MCTP1: variants seen among roughly 807,000 people sequenced by gnomAD.
MCTP1 encodes multiple C2 and transmembrane domain-containing protein 1.
MCTP1 carries 69 observed loss-of-function variants against 120.6 expected under a neutral mutation model. The observed-to-expected ratio is 0.57, with a 90% confidence interval of 0.47 to 0.70. The LOEUF (loss-of-function observed/expected upper bound fraction) is 0.70. Among genes scored for constraint, MCTP1 ranks in the 30% least tolerant of loss-of-function variants. MCTP1 has a pLI of 0.00. For missense variants in MCTP1, 1,203 were observed against 1,248.8 expected, an observed-to-expected ratio of 0.96 and a Z score of 0.55; for synonymous variants, 529 against 493.1, an observed-to-expected ratio of 1.07 and a Z score of -0.96.
intron 19 of MCTP1, among the ~76,000 whole-genome samples, chr5:94,765,980 C>T (rs373965214): frequency 6.6e-6 from 1 of 152,170 alleles, no homozygotes; most frequent in Admixed American, 6.5e-5. Context: ...TGCGGTGGCT[C>T]ACGCTTGTAA....
chr5:94,919,456 A>G (rs1810991615), intron 7 of MCTP1, among the ~76,000 whole-genome samples: 1 of 152,222 alleles, frequency 6.6e-6, no homozygotes, highest in Non-Finnish European at 1.5e-5. Flanking sequence ...TGATAAGTAC[A>G]AATAATCCTT....
intron 12 of MCTP1, among the ~76,000 whole-genome samples, chr5:94,878,106 T>C (rs952675678): frequency 2.0e-5 from 3 of 152,194 alleles, no homozygotes; most frequent in Admixed American, 2.0e-4. Context: ...TTGAAATAAC[T>C]ATATTTTAAT....
At chr5:94,753,542 C>T (rs969698289) in intron 19 of MCTP1, among the ~76,000 whole-genome samples, 28 of 152,098 alleles carry the variant, frequency 1.8e-4, no homozygotes, top group Non-Finnish European at 4.0e-4. Flanking sequence ...TCATTTATTT[C>T]CTTTGTTGTA....
chr5:94,751,914 C>T (rs1190965218), intron 19 of MCTP1, among the ~76,000 whole-genome samples: 1 of 144,014 alleles, frequency 6.9e-6, no homozygotes, highest in Non-Finnish European at 1.5e-5. Flanking sequence ...ACAATGAGAA[C>T]ACATGGACAC....
At chr5:95,201,499 T>G (rs1751041563) in intron 1 of MCTP1, among the ~76,000 whole-genome samples, 1 of 53,926 alleles carries the variant, frequency 1.9e-5, no homozygotes, top group African/African-American at 6.5e-5. Flanking sequence ...TTTTTTTTTT[T>G]TTTTTTTTTT....
At chr5:94,978,878 T>C (rs913612003) in intron 2 of MCTP1, 5 of 151,966 alleles carry the variant, frequency 3.3e-5, no homozygotes, top group African/African-American at 1.2e-4. Flanking sequence ...AAATAAATTT[T>C]TTTAAAAAAC....
chr5:95,069,381 A>G (rs962152954), intron 1 of MCTP1, among the ~76,000 whole-genome samples: 1 of 152,350 alleles, frequency 6.6e-6, no homozygotes, highest in Admixed American at 6.5e-5. Context: ...AAGTAATTCA[A>G]ACATAATAAA....
intron 2 of MCTP1, among the ~76,000 whole-genome samples, chr5:95,012,902 A>T (rs2153660224): frequency 6.6e-6 from 1 of 152,272 alleles, no homozygotes; most frequent in Admixed American, 6.5e-5. Flanking sequence ...TTCACTTTAA[A>T]TCAAAAGCTA....
chr5:95,126,984 T>C (rs932835886), intron 1 of MCTP1, among the ~76,000 whole-genome samples: 6 of 152,186 alleles, frequency 3.9e-5, no homozygotes, highest in Admixed American at 1.3e-4. Context: ...TCCCTTGAGC[T>C]CTCCGTGTTA....
At chr5:95,182,733 A>G (rs1338436938) in intron 1 of MCTP1, among the ~76,000 whole-genome samples, 1 of 152,156 alleles carries the variant, frequency 6.6e-6, no homozygotes, top group Non-Finnish European at 1.5e-5. Flanking sequence ...AAATTATAAA[A>G]AAAATGGGGG....
intron 1 of MCTP1, among the ~76,000 whole-genome samples, chr5:95,263,945 G>T (rs1369725095): frequency 6.6e-6 from 1 of 152,182 alleles, no homozygotes; most frequent in Non-Finnish European, 1.5e-5. Flanking sequence ...CCCTTGCACT[G>T]TTTCTTCTCT....
rs78601719 is a variant in MCTP1 at position 94,816,031 on chromosome 5, A to G, written c.2437-16899T>C. Among the ~76,000 whole-genome samples, 10 of 152,338 alleles carry G rather than the reference A, an allele frequency of 6.6e-5. No individual in the cohort carries two copies. In the East Asian group the frequency reaches 1.5e-3, roughly 23 times the overall value. ...GGAAAAGCCTAAAAAGGAAAACAAG[A>G]AAAGGTAAAGTAGGAAGGGCTGAAT... is the stretch of plus-strand genomic sequence containing the variant. On this transcript the variant is annotated intron_variant, in intron 17 of 22. Coordinates refer to ENST00000515393, the MANE Select transcript of MCTP1 (RefSeq NM_024717.7).
In MCTP1 at chr5:95,179,198, A is replaced by G. The variant is rs147981392; in HGVS notation, c.720+104658T>C. ...GGGACTATGTTAGGCATCCAAACCT[A>G]AGAATAACTGGTGGTGTTCCTGAGG... On this transcript the variant is annotated intron_variant, in intron 1 of 22. Coordinates refer to ENST00000515393, the MANE Select transcript of MCTP1 (RefSeq NM_024717.7). 4.8e-3 allele frequency among the ~76,000 whole-genome samples: 732 copies of G among 152,338 alleles called. 7 individuals are homozygous for G. Among genetic ancestry groups the G allele is most frequent in the African/African-American group, 0.015 (640 of 41,584 alleles).
intron 10 of MCTP1, among the ~76,000 whole-genome samples, chr5:94,907,925 G>T (rs1807353489): frequency 6.6e-6 from 1 of 152,026 alleles, no homozygotes. Flanking sequence ...TAAGGTTGAA[G>T]TAGCAAGTTA....
intron 1 of MCTP1, among the ~76,000 whole-genome samples, chr5:95,058,378 C>A (rs936758379): frequency 3.9e-4 from 60 of 152,238 alleles, no homozygotes; most frequent in Middle Eastern, 3.4e-3. Context: ...GAGTCAAAAC[C>A]AGAATTATGA....
At chr5:95,042,581 G>C (rs939513129) in intron 1 of MCTP1, among the ~76,000 whole-genome samples, 19 of 152,182 alleles carry the variant, frequency 1.2e-4, no homozygotes, top group Non-Finnish European at 1.5e-5. Context: ...TGAAATACAT[G>C]CATTGGCTGC....
intron 5 of MCTP1, among the ~76,000 whole-genome samples, chr5:94,933,305 A>G (rs530092391): frequency 1.3e-5 from 2 of 151,874 alleles, no homozygotes; most frequent in African/African-American, 4.8e-5. Flanking sequence ...AAATCCCAGC[A>G]TTGGGTTATA....
intron 2 of MCTP1, among the ~76,000 whole-genome samples, chr5:94,973,609 G>T (rs1162179551): frequency 1.3e-5 from 2 of 152,136 alleles, no homozygotes; most frequent in African/African-American, 4.8e-5. Context: ...TTGTTGGCTT[G>T]TATGAATGAC....
intron 1 of MCTP1, among the ~76,000 whole-genome samples, chr5:95,229,642 G>A (rs1754689502): frequency 6.6e-6 from 1 of 151,984 alleles, no homozygotes. Context: ...TCAAGAGGCT[G>A]AGGCAGGAGA....
Sources: gnomAD v4.1 joint callset for allele counts (sites outside exome capture counted in the v4.1 genomes callset) on GRCh38, gnomAD v4.1.1 for gene constraint, MANE v1.5 for transcripts, NCBI Gene and HGNC (gene_info 2026-07-23, HGNC 2026-07-21) for gene names.